The following OSBPL8 variants were observed in gnomAD, a reference collection of about 807,000 sequenced individuals.
OSBPL8 encodes the protein oxysterol binding protein like 8.
A neutral mutation model predicts 125.5 loss-of-function variants in OSBPL8; 59 were observed. The ratio of observed to expected loss-of-function variants is 0.47; its 90% confidence interval spans 0.38 to 0.58. The LOEUF is 0.58. OSBPL8 is among the 20% of genes least tolerant of loss of function. The probability of loss-of-function intolerance (pLI) is 0.00; values close to 1 mark genes in which losing one functional copy is unlikely to be tolerated. For missense variants in OSBPL8, 758 were observed against 1,047.8 expected (o/e 0.72, Z 3.82); for synonymous variants, 330 against 338.9 (o/e 0.97, Z 0.29).
At chr12:76,465,678 C>A (rs1181029501) in intron 2 of OSBPL8, among the ~76,000 whole-genome samples, 1 of 152,082 alleles carries the variant, frequency 6.6e-6, no homozygotes, top group East Asian at 1.9e-4. Flanking sequence ...AAAATACCTT[C>A]ACACAATGAA....
intron 4 of OSBPL8, among the ~76,000 whole-genome samples, chr12:76,414,856 T>C (rs1868430252): frequency 6.6e-6 from 1 of 152,208 alleles, no homozygotes; most frequent in South Asian, 2.1e-4. Context: ...CCCACATCTA[T>C]TAAGATAATC....
intron 4 of OSBPL8, among the ~76,000 whole-genome samples, chr12:76,433,974 C>CAAAAA (rs34241447): frequency 6.1e-5 from 5 of 82,124 alleles, no homozygotes; most frequent in Admixed American, 1.5e-4. Flanking sequence ...GACTCCATCT[C>CAAAAA]AAAAAAAAAA....
chr12:76,462,944 GA>G (rs1357760682), intron 2 of OSBPL8, among the ~76,000 whole-genome samples: 5 of 152,190 alleles, frequency 3.3e-5, no homozygotes, highest in African/African-American at 1.2e-4. Flanking sequence ...GATGAGGTCA[GA>G]GGGGTAAACA....
chr12:76,487,501 A>C lies in OSBPL8; in HGVS notation c.42+9T>G, dbSNP rs1359177666. The C allele has an allele frequency of 6.3e-7, 1 of 1,597,706 alleles. No individual in the cohort carries two copies. The highest frequency in any genetic ancestry group is 8.5e-7 in the Non-Finnish European group (1 of 1,173,088). On this transcript the variant is annotated intron_variant, in intron 2 of 23. Transcript: ENST00000261183. The stretch of plus-strand genomic sequence containing the variant: ...ATGATAGAACCTATGTCATATATGA[A>C]CTACTCACCGAAGTTCGATCAGGTT...
chr12:76,459,572 T>C (rs1180325064), intron 3 of OSBPL8, among the ~76,000 whole-genome samples: 4 of 152,192 alleles, frequency 2.6e-5, no homozygotes, highest in African/African-American at 9.7e-5. Flanking sequence ...AGAAATACTA[T>C]GAAGAAGAGG....
chr12:76,354,554 A>G lies in OSBPL8; in HGVS notation c.*1335T>C, dbSNP rs1056307274. On this transcript the variant is annotated 3_prime_UTR_variant, in exon 24 of 24. Coordinates refer to ENST00000261183, the MANE Select transcript of OSBPL8 (RefSeq NM_020841.5). ...ATTTTCATTAAAAAAACATTTCAAA[A>G]TCTATGCTTTCAGGATTCTAAGACA... is the stretch of plus-strand genomic sequence containing the variant. The G allele has an allele frequency of 6.6e-6, 1 of 151,994 alleles. No homozygotes were observed. Among genetic ancestry groups the G allele is most frequent in the Non-Finnish European group, 1.5e-5 (1 of 67,864 alleles). The allele number at this position is 151,994 out of a possible 1,614,324, so 9.4% of individuals were successfully genotyped here.
At chr12:76,462,139 C>G (rs1035879115) in intron 2 of OSBPL8, among the ~76,000 whole-genome samples, 3 of 152,176 alleles carry the variant, frequency 2.0e-5, no homozygotes, top group Admixed American at 1.3e-4. Flanking sequence ...CAAGGCCAGT[C>G]ATGTTTGAAG....
At chr12:76,483,964 T>C (rs1877855329) in intron 2 of OSBPL8, among the ~76,000 whole-genome samples, 1 of 152,076 alleles carries the variant, frequency 6.6e-6, no homozygotes, top group South Asian at 2.1e-4. Context: ...CGTGAGCCAC[T>C]GAGCCCGGCC....
intron 1 of OSBPL8, among the ~76,000 whole-genome samples, chr12:76,489,580 A>C (rs551062294): frequency 6.6e-6 from 1 of 152,366 alleles, no homozygotes; most frequent in Admixed American, 6.5e-5. Context: ...AGCATGGTTT[A>C]CTAAAATTTT....
intron 12 of OSBPL8, among the ~76,000 whole-genome samples, chr12:76,389,073 T>TG (rs1229652034): frequency 1.3e-5 from 2 of 152,172 alleles, no homozygotes; most frequent in African/African-American, 4.8e-5. Context: ...TCCAAGAAAT[T>TG]GCTGGGACAG....
intron 1 of OSBPL8, among the ~76,000 whole-genome samples, chr12:76,518,047 C>T (rs552237109): frequency 1.3e-5 from 2 of 152,278 alleles, no homozygotes; most frequent in African/African-American, 4.8e-5. Flanking sequence ...TACAATCATC[C>T]CTTCCCAATA....
At chr12:76,398,165 A>G (rs1953893998) in intron 7 of OSBPL8, among the ~76,000 whole-genome samples, 1 of 152,160 alleles carries the variant, frequency 6.6e-6, no homozygotes, top group East Asian at 1.9e-4. Flanking sequence ...CTCCCTGACC[A>G]GGTCAGGGGC....
intron 17 of OSBPL8, 196 bp from the exon 18 acceptor site, chr12:76,373,629 T>C (rs1170946315): frequency 4.2e-6 from 2 of 475,814 alleles, no homozygotes; most frequent in Non-Finnish European, 7.3e-6. Flanking sequence ...ATGAAAAAAA[T>C]AGGATAAAAC....
chr12:76,543,483 C>T (rs61925556), intron 1 of OSBPL8, among the ~76,000 whole-genome samples: 1 of 152,052 alleles, frequency 6.6e-6, no homozygotes, highest in South Asian at 2.1e-4. Context: ...CCTCTCAGCA[C>T]TTCCCACAAT....
chr12:76,539,887 C>T (rs1950597505), intron 1 of OSBPL8, among the ~76,000 whole-genome samples: 1 of 152,198 alleles, frequency 6.6e-6, no homozygotes, highest in Non-Finnish European at 1.5e-5. Context: ...TAGACCCATA[C>T]ACATCCCACA....
rs565794741 is a variant in OSBPL8 at position 76,401,525 on chromosome 12, G to A, written c.366+1164C>T. Reference sequence around the variant, plus strand: ...ATTATTATCCTTATTTTACAGACACGAAAACTGAGGCAGAGACAGTAACCT... The same window carrying A: ...ATTATTATCCTTATTTTACAGACACAAAAACTGAGGCAGAGACAGTAACCT... On this transcript the variant is annotated intron_variant, in intron 6 of 23. Transcript: ENST00000261183. Among the ~76,000 whole-genome samples, 10 of 152,214 alleles carry A rather than the reference G, an allele frequency of 6.6e-5. No homozygotes were observed. The South Asian group carries it at 1.2e-3, about 19-fold the overall frequency.
chr12:76,394,506 T>A, intron 9 of OSBPL8, 139 bp downstream of exon 9: 1 of 639,428 alleles, frequency 1.6e-6, no homozygotes, highest in South Asian at 1.8e-5. Flanking sequence ...ATATTTAGCA[T>A]TCAAAACAAT....
intron 1 of OSBPL8, among the ~76,000 whole-genome samples, chr12:76,512,414 C>T (rs893606784): frequency 6.6e-6 from 1 of 152,048 alleles, no homozygotes; most frequent in Non-Finnish European, 1.5e-5. Flanking sequence ...TTACTGTGAA[C>T]AGCCCAGCAC....
rs528482370 is a variant in OSBPL8 at position 76,493,433 on chromosome 12, C to A, written c.-67-5815G>T. Among the ~76,000 whole-genome samples, 21 of 152,292 alleles carry A rather than the reference C, an allele frequency of 1.4e-4. No individual in the cohort carries two copies. In the South Asian group the frequency reaches 3.9e-3, roughly 29 times the overall value. ...GTTTACTGGTGGTTAACTCCCTCTG[C>A]TTTTCTTTTCTGGGAAAGTCTTCAC... On this transcript the variant is annotated intron_variant, in intron 1 of 23. Coordinates refer to ENST00000261183, the MANE Select transcript of OSBPL8 (RefSeq NM_020841.5).
Sources: gnomAD v4.1 joint callset for allele counts (sites outside exome capture counted in the v4.1 genomes callset) on GRCh38, gnomAD v4.1.1 for gene constraint, MANE v1.5 for transcripts, NCBI Gene and HGNC (gene_info 2026-07-23, HGNC 2026-07-21) for gene names.